The following NTM variants were observed in gnomAD, a reference collection of about 807,000 sequenced individuals.
The protein encoded by NTM is neurotrimin, also known as IgLON family member 2.
A neutral mutation model predicts 42.1 loss-of-function variants in NTM; 13 were observed. The ratio of observed to expected loss-of-function variants is 0.31; its 90% CI spans 0.20 to 0.49. The LOEUF is 0.49. Among genes scored for constraint, NTM ranks in the 20% least tolerant of loss-of-function variants. The pLI, the probability that NTM is intolerant of heterozygous loss-of-function variation, is 0.99. For missense variants in NTM, 373 were observed against 452.8 expected, an observed-to-expected ratio of 0.82 and a Z score of 1.60; for synonymous variants, 187 against 179.2, an observed-to-expected ratio of 1.04 and a Z score of -0.35.
In NTM at chr11:131,679,014, T is replaced by A. The variant is rs552509865; in HGVS notation, c.83-232550T>A. Among the ~76,000 whole-genome samples, 46 of 152,308 alleles carry A rather than the reference T, an allele frequency of 3.0e-4. No homozygotes were observed. In the South Asian group the frequency reaches 9.5e-3, roughly 32 times the overall value. On this transcript the variant is annotated intron_variant, in intron 1 of 8. Transcript: ENST00000683400. ...ATGATTGCTTTTAAAATAAAAAATA[T>A]CTCATTTCTGGAGAAAGTGCTCACA...
chr11:132,177,756 A>T (rs77405775), intron 3 of NTM, among the ~76,000 whole-genome samples: 1 of 152,162 alleles, frequency 6.6e-6, no homozygotes, highest in Non-Finnish European at 1.5e-5. Flanking sequence ...TGAAGCCCCA[A>T]TGGGGCATGG....
intron 1 of NTM, among the ~76,000 whole-genome samples, chr11:131,622,050 A>C (rs115616807): frequency 0.033 from 4,961 of 152,222 alleles, 254 homozygotes; most frequent in African/African-American, 0.11. Flanking sequence ...GCTGTGGTCC[A>C]GGCAGGCCCA....
chr11:131,380,185 C>T (rs1942477753), intron 1 of NTM, among the ~76,000 whole-genome samples: 1 of 149,884 alleles, frequency 6.7e-6, no homozygotes. Flanking sequence ...AGACTGAATT[C>T]AAAGTTCAGT....
intron 2 of NTM, among the ~76,000 whole-genome samples, chr11:131,985,588 A>T (rs1262429968): frequency 6.6e-6 from 1 of 152,120 alleles, no homozygotes; most frequent in Non-Finnish European, 1.5e-5. Context: ...TCAGTTTGTG[A>T]CTTCCAAGAT....
intron 1 of NTM, among the ~76,000 whole-genome samples, chr11:131,480,435 C>G (rs1418060027): frequency 2.6e-5 from 4 of 152,162 alleles, no homozygotes; most frequent in Non-Finnish European, 4.4e-5. Context: ...ACAGACCCCC[C>G]ACCTCCACCT....
intron 1 of NTM, among the ~76,000 whole-genome samples, chr11:131,380,526 T>TTC (rs1942542083): frequency 6.6e-6 from 1 of 152,116 alleles, no homozygotes; most frequent in African/African-American, 2.4e-5. Flanking sequence ...TTCTTACTGC[T>TTC]TCTCTTATGC....
At chr11:132,069,404 G>A (rs1225220243) in intron 2 of NTM, among the ~76,000 whole-genome samples, 3 of 97,428 alleles carry the variant, frequency 3.1e-5, no homozygotes, top group South Asian at 2.7e-4. Context: ...AAGTTAACAC[G>A]TCAAACTGAC....
Position 131,651,772 on chromosome 11 carries a change from C to T in NTM, c.83-259792C>T, listed in dbSNP as rs192977016. Among the ~76,000 whole-genome samples the T allele has an allele frequency of 5.5e-3, 837 of 151,950 alleles. 4 individuals carry two copies. The highest frequency in any genetic ancestry group is 0.015 in the African/African-American group (641 of 41,434). ...AGGAGAATCGCTTGAACGCAGGAGG[C>T]GGAGGCTGCAGTGAGCTGAGATCAC... is the stretch of plus-strand genomic sequence containing the variant. On this transcript the variant is annotated intron_variant, in intron 1 of 8. Coordinates refer to ENST00000683400, the MANE Select transcript of NTM (RefSeq NM_001352005.2).
intron 1 of NTM, among the ~76,000 whole-genome samples, chr11:131,632,809 G>A (rs1453984807): frequency 1.3e-5 from 2 of 150,230 alleles, no homozygotes; most frequent in Non-Finnish European, 2.9e-5. Context: ...CGTGTAGCTG[G>A]GACTACAGGC....
chr11:132,200,296 G>A (rs143931719), intron 3 of NTM, among the ~76,000 whole-genome samples: 41 of 152,286 alleles, frequency 2.7e-4, no homozygotes, highest in African/African-American at 8.9e-4. Flanking sequence ...TCCCTAAGAC[G>A]GTGGTCACAA....
In NTM at chr11:131,835,765, A is replaced by G. The variant is rs530065311; in HGVS notation, c.83-75799A>G. Among the ~76,000 whole-genome samples the G allele has an allele frequency of 2.6e-5, 4 of 152,308 alleles. No homozygotes were observed. In the East Asian group the frequency reaches 5.8e-4, roughly 22 times the overall value. Reference sequence around the variant, plus strand: ...TACATGCACCAAAAGACATTTTACAAAAGTGTTGATAGATGCACTATTTGT... The same window carrying G: ...TACATGCACCAAAAGACATTTTACAGAAGTGTTGATAGATGCACTATTTGT... On this transcript the variant is annotated intron_variant, in intron 1 of 8. Coordinates refer to ENST00000683400, the MANE Select transcript of NTM (RefSeq NM_001352005.2).
chr11:131,911,203 T>G, intron 1 of NTM: 1 of 1,375,784 alleles, frequency 7.3e-7, no homozygotes, highest in Non-Finnish European at 9.4e-7. Context: ...TTCCCCCTCC[T>G]CGGCCACCTT....
intron 7 of NTM, among the ~76,000 whole-genome samples, chr11:132,320,491 T>G (rs1030335085): frequency 2.2e-4 from 33 of 152,026 alleles, no homozygotes; most frequent in Non-Finnish European, 7.4e-5. Flanking sequence ...CGGCGCACCA[T>G]GAGATTATAT....
chr11:131,649,590 G>A (rs73592232), intron 1 of NTM, among the ~76,000 whole-genome samples: 17 of 152,154 alleles, frequency 1.1e-4, no homozygotes, highest in Admixed American at 1.1e-3. Flanking sequence ...TCACACTAGA[G>A]TTCCATAAGG....
At chr11:131,730,461 C>A (rs1414310499) in intron 1 of NTM, among the ~76,000 whole-genome samples, 1 of 152,024 alleles carries the variant, frequency 6.6e-6, no homozygotes, top group Non-Finnish European at 1.5e-5. Context: ...ACATCTATAG[C>A]TCCAGCACTT....
intron 1 of NTM, among the ~76,000 whole-genome samples, chr11:131,473,403 A>G (rs1238066465): frequency 1.3e-5 from 2 of 152,206 alleles, no homozygotes; most frequent in Non-Finnish European, 2.9e-5. Context: ...GTGAATCAAT[A>G]GGTGAAGGCG....
intron 2 of NTM, among the ~76,000 whole-genome samples, chr11:131,965,342 A>C (rs2062700492): frequency 1.3e-5 from 2 of 152,298 alleles, no homozygotes. Context: ...CCTGGAAAGC[A>C]GACAAGGAAA....
chr11:132,229,650 T>C (rs1254692039), intron 4 of NTM, among the ~76,000 whole-genome samples: 1 of 152,204 alleles, frequency 6.6e-6, no homozygotes, highest in Non-Finnish European at 1.5e-5. Flanking sequence ...ACGTCTAAAC[T>C]GTGTTGGACG....
At chr11:132,029,515 G>T (rs1378781829) in intron 2 of NTM, among the ~76,000 whole-genome samples, 1 of 152,036 alleles carries the variant, frequency 6.6e-6, no homozygotes, top group Non-Finnish European at 1.5e-5. Flanking sequence ...TTGACTTTCG[G>T]TTTGGTCAGC....
Sources: allele counts gnomAD v4.1 joint callset (sites outside exome capture counted in the v4.1 genomes callset), GRCh38; gene constraint gnomAD v4.1.1; transcripts MANE v1.5; gene names NCBI Gene and HGNC (gene_info 2026-07-23, HGNC 2026-07-21).